The following CDH13 variants were observed in gnomAD, a reference collection of about 807,000 sequenced individuals.
The protein encoded by CDH13 is cadherin-13.
Under a neutral mutation model 63.8 loss-of-function variants are expected in CDH13, and 24 were observed. That is an observed-to-expected ratio of 0.38 (90% CI 0.27 to 0.53). The LOEUF (loss-of-function observed/expected upper bound fraction) is 0.53, where lower values mean the gene tolerates loss of function less well. CDH13 is among the 20% of genes least tolerant of loss of function. The pLI is 0.85. For missense variants in CDH13, 1,049 were observed against 903.1 expected, an observed-to-expected ratio of 1.16 and a Z score of -2.07; for synonymous variants, 503 against 355.3, an observed-to-expected ratio of 1.42 and a Z score of -4.67.
chr16:82,896,712 G>C (rs4783296), intron 2 of CDH13, among the ~76,000 whole-genome samples: 3 of 149,838 alleles, frequency 2.0e-5, no homozygotes, highest in Non-Finnish European at 4.4e-5. Flanking sequence ...GACTCTCAGT[G>C]AATAAGAGAC....
chr16:82,977,857 G>C (rs1195605035), intron 2 of CDH13, among the ~76,000 whole-genome samples: 1 of 152,178 alleles, frequency 6.6e-6, no homozygotes, highest in Non-Finnish European at 1.5e-5. Context: ...ACTTCCTAGA[G>C]ACCTGGAAGG....
intron 10 of CDH13, among the ~76,000 whole-genome samples, chr16:83,695,974 C>G (rs1905346748): frequency 6.6e-6 from 1 of 151,942 alleles, no homozygotes; most frequent in Non-Finnish European, 1.5e-5. Flanking sequence ...CCTACAACCT[C>G]TGCCTCCTGG....
chr16:83,119,496 A>T (rs1185949783), intron 3 of CDH13, among the ~76,000 whole-genome samples: 1 of 152,206 alleles, frequency 6.6e-6, no homozygotes, highest in African/African-American at 2.4e-5. Flanking sequence ...TGGCAACACC[A>T]GAAGTCAAGA....
At chr16:83,199,841 G>T (rs185751776) in intron 4 of CDH13, among the ~76,000 whole-genome samples, 3 of 152,092 alleles carry the variant, frequency 2.0e-5, no homozygotes, top group Non-Finnish European at 4.4e-5. Context: ...GGCTTAGAGG[G>T]GTGAAAAGAT....
chr16:83,326,696 A>T (rs1025836731), intron 5 of CDH13, among the ~76,000 whole-genome samples: 4 of 152,102 alleles, frequency 2.6e-5, no homozygotes, highest in African/African-American at 9.7e-5. Flanking sequence ...AAACATGCAG[A>T]AGGGATGTTA....
Position 83,486,467 on chromosome 16 carries a change from G to T in CDH13, c.782-10G>T. ...TAACCATTCCGTGCCTTTCTGTCTT[G>T]CCCCGGTAGGCACCACAGTGATGCG... On this transcript the variant is annotated splice_polypyrimidine_tract_variant and intron_variant, in intron 6 of 13. Coordinates refer to ENST00000567109, the MANE Select transcript of CDH13 (RefSeq NM_001257.5). The T allele has an allele frequency of 6.2e-7, 1 of 1,609,174 alleles. No individual in the cohort carries two copies. Among genetic ancestry groups the T allele is most frequent in the Non-Finnish European group, 8.5e-7 (1 of 1,177,018 alleles).
rs201544349 is a variant in CDH13 at position 83,417,533 on chromosome 16, C to T, written c.782-68944C>T. 2.0e-5 allele frequency among the ~76,000 whole-genome samples: 3 copies of T among 152,266 alleles called. No homozygotes were observed. The East Asian group carries it at 5.8e-4, about 29-fold the overall frequency. ...TCCAATTTATCCTGCTCACTGACAC[C>T]TCAGTTGCCATTTGGAAACGAAAAT... On this transcript the variant is annotated intron_variant, in intron 6 of 13. Transcript: ENST00000567109.
intron 1 of CDH13, among the ~76,000 whole-genome samples, chr16:82,701,679 CA>C (rs1348912107): frequency 2.6e-5 from 4 of 152,262 alleles, no homozygotes; most frequent in African/African-American, 7.2e-5. Context: ...GCAGCAATCC[CA>C]GACTCACAGC....
At chr16:82,920,605 G>A (rs1421295297) in intron 2 of CDH13, among the ~76,000 whole-genome samples, 2 of 152,202 alleles carry the variant, frequency 1.3e-5, no homozygotes, top group African/African-American at 4.8e-5. Flanking sequence ...TGTCTGGTGA[G>A]GCTGTCTCCA....
chr16:83,791,545 G>A (rs1916263498), intron 13 of CDH13, among the ~76,000 whole-genome samples: 1 of 151,964 alleles, frequency 6.6e-6, no homozygotes, highest in South Asian at 2.1e-4. Flanking sequence ...GGGTGGGGTG[G>A]CTCATACCTG....
intron 2 of CDH13, among the ~76,000 whole-genome samples, chr16:82,869,547 C>T (rs1161623001): frequency 6.6e-6 from 1 of 152,082 alleles, no homozygotes; most frequent in Non-Finnish European, 1.5e-5. Flanking sequence ...GCAAAAAGAA[C>T]AAAATTAGAG....
chr16:83,060,676 A>G (rs2031455494), intron 3 of CDH13, among the ~76,000 whole-genome samples: 1 of 152,240 alleles, frequency 6.6e-6, no homozygotes, highest in Non-Finnish European at 1.5e-5. Context: ...CCGCAGTGCA[A>G]TGCTATCCTC....
intron 2 of CDH13, 98 bp from the exon 3 acceptor site, chr16:83,031,912 A>T: frequency 1.1e-6 from 1 of 952,352 alleles, no homozygotes; most frequent in South Asian, 1.6e-5. Flanking sequence ...CTGGGTTGGG[A>T]AACTATGTGG....
At chr16:82,933,965 G>A (rs117874999) in intron 2 of CDH13, among the ~76,000 whole-genome samples, 17 of 152,292 alleles carry the variant, frequency 1.1e-4, no homozygotes, top group Middle Eastern at 3.4e-3. Context: ...GGCTGGCAGC[G>A]TCTATGACTT....
chr16:83,195,841 A>C (rs2038863534), intron 4 of CDH13, among the ~76,000 whole-genome samples: 1 of 152,196 alleles, frequency 6.6e-6, no homozygotes, highest in African/African-American at 2.4e-5. Flanking sequence ...GCTTCTTAGT[A>C]AAGATGAGAA....
At chr16:83,001,863 C>A (rs1322134075) in intron 2 of CDH13, among the ~76,000 whole-genome samples, 1 of 152,126 alleles carries the variant, frequency 6.6e-6, no homozygotes, top group African/African-American at 2.4e-5. Context: ...TCCAAATGGG[C>A]AGAATGTGCA....
At chr16:83,290,387 C>T (rs902593056) in intron 5 of CDH13, among the ~76,000 whole-genome samples, 2 of 152,048 alleles carry the variant, frequency 1.3e-5, no homozygotes, top group African/African-American at 4.8e-5. Flanking sequence ...TCACGGGGGG[C>T]AGGTTTTTCC....
At chr16:83,129,627 C>T (rs1020035233) in intron 4 of CDH13, among the ~76,000 whole-genome samples, 2 of 152,206 alleles carry the variant, frequency 1.3e-5, no homozygotes, top group African/African-American at 4.8e-5. Flanking sequence ...GGTATTTCTA[C>T]TCCCAGCAGT....
intron 4 of CDH13, among the ~76,000 whole-genome samples, chr16:83,206,402 G>C (rs1487639297): frequency 1.3e-5 from 2 of 152,120 alleles, no homozygotes; most frequent in East Asian, 3.9e-4. Context: ...GAGATCCACT[G>C]CACACCTCCT....
Sources: allele counts gnomAD v4.1 joint callset (sites outside exome capture counted in the v4.1 genomes callset), GRCh38; gene constraint gnomAD v4.1.1; transcripts MANE v1.5; gene names NCBI Gene and HGNC (gene_info 2026-07-23, HGNC 2026-07-21).